SLC16A5: variants seen among roughly 807,000 people sequenced by gnomAD.
The protein encoded by SLC16A5 is solute carrier family 16 member 5.
In SLC16A5, 29 loss-of-function variants were observed where a neutral mutation model predicts 33.2. The observed-to-expected ratio is 0.87, with a 90% CI of 0.65 to 1.19. The LOEUF is 1.19. Among genes scored for constraint, SLC16A5 ranks in the 50% most tolerant of loss-of-function variants. SLC16A5 has a pLI of 0.00. For synonymous variants in SLC16A5, 248 were observed against 284.1 expected, an observed-to-expected ratio of 0.87 and a Z score of 1.28; for missense variants, 606 against 678.2, an observed-to-expected ratio of 0.89 and a Z score of 1.18.
chr17:75,092,960 G>A (rs2073662327), intron 2 of SLC16A5, among the ~76,000 whole-genome samples: 1 of 151,958 alleles, frequency 6.6e-6, no homozygotes, highest in Non-Finnish European at 1.5e-5. Flanking sequence ...GGAAAGGCCT[G>A]GGGGTGTGGG....
chr17:75,103,319 C>T (rs1174221530), intron 5 of SLC16A5, among the ~76,000 whole-genome samples: 1 of 141,886 alleles, frequency 7.0e-6, no homozygotes. Context: ...CCACTGTGCC[C>T]ATCCAAGGGA....
Position 75,093,582 on chromosome 17 carries a change from T to G in SLC16A5, c.-48-7T>G, listed in dbSNP as rs60598753. 1.3e-6 allele frequency: 2 copies of G among 1,503,406 alleles called. No homozygotes were observed. The highest frequency in any genetic ancestry group is 1.9e-5 in the Admixed American group (1 of 53,442). 93.1% of individuals were successfully genotyped at this position (1,503,406 alleles called of 1,614,324 possible). A position where few individuals can be genotyped will look rare whatever the true frequency, so the allele number is the denominator to read the frequency against. On this transcript the variant is annotated splice_region_variant and splice_polypyrimidine_tract_variant and intron_variant, in intron 2 of 6. Transcript: ENST00000329783. ...GACCACCAGGCTCCATTCTGTCCCCTCCCCAGGCAGCAGCCACATTGGCAG... is the reference window on the plus strand; with the variant it reads ...GACCACCAGGCTCCATTCTGTCCCCGCCCCAGGCAGCAGCCACATTGGCAG...
chr17:75,110,004 T>A (rs1292721704), downstream of SLC16A5: 1 of 371,512 alleles, frequency 2.7e-6, no homozygotes, highest in African/African-American at 2.1e-5. Flanking sequence ...GGTGCGCCAG[T>A]GCCCCCTCCG....
At chr17:75,105,340 T>G in intron 6 of SLC16A5, 2 of 985,374 alleles carry the variant, frequency 2.0e-6, no homozygotes, top group Non-Finnish European at 2.4e-6. Flanking sequence ...AAGCCAGACA[T>G]TTGACTGACG....
chr17:75,095,860 C>T (rs905324766), intron 3 of SLC16A5, among the ~76,000 whole-genome samples: 7 of 151,734 alleles, frequency 4.6e-5, no homozygotes, highest in Non-Finnish European at 8.8e-5. Context: ...GGGGTTTCAC[C>T]GTGTTAGCCA....
intron 3 of SLC16A5, among the ~76,000 whole-genome samples, chr17:75,096,595 GTCTCGGCTCACT>G (rs2073721691): frequency 6.7e-6 from 1 of 148,648 alleles, no homozygotes; most frequent in Non-Finnish European, 1.5e-5. Flanking sequence ...TAGTGGCACA[GTCTCGGCTCACT>G]GCAACCTCCA....
chr17:75,098,943 C>T (rs749974181), intron 4 of SLC16A5, among the ~76,000 whole-genome samples: 2 of 152,026 alleles, frequency 1.3e-5, no homozygotes, highest in Non-Finnish European at 2.9e-5. Flanking sequence ...AGGAAGACAC[C>T]GGTAGTCACC....
intron 4 of SLC16A5, among the ~76,000 whole-genome samples, chr17:75,098,407 A>T (rs2073748538): frequency 6.6e-6 from 1 of 152,070 alleles, no homozygotes; most frequent in South Asian, 2.1e-4. Flanking sequence ...TACTAAAAAA[A>T]ATACAAAAAT....
chr17:75,091,785 G>C (rs570120145), intron 2 of SLC16A5, among the ~76,000 whole-genome samples: 21 of 152,368 alleles, frequency 1.4e-4, no homozygotes, highest in Non-Finnish European at 2.9e-4. Context: ...TGAGGTGGAG[G>C]CTGCTCCCTC....
rs528470765 is a variant in SLC16A5 at position 75,096,902 on chromosome 17, A to G, written c.200-1136A>G. ...CACTCTGTCGCCCAGGATGGAGCGC[A>G]TCGGGTTCTGCCTCCCAGGTTCAAG... On this transcript the variant is annotated intron_variant, in intron 3 of 6. Coordinates refer to ENST00000329783, the MANE Select transcript of SLC16A5 (RefSeq NM_004695.4). 3.6e-4 allele frequency among the ~76,000 whole-genome samples: 43 copies of G among 120,070 alleles called. 1 individual carries two copies. The highest frequency in any genetic ancestry group is 1.3e-3 in the African/African-American group (40 of 30,014). The allele number at this position is 120,070 out of a possible 152,430, so 78.8% of individuals were successfully genotyped here. A position where few individuals can be genotyped will look rare whatever the true frequency, so the allele number is the denominator to read the frequency against.
chr17:75,087,626 C>A (rs979208517), upstream of SLC16A5: 1 of 152,286 alleles, frequency 6.6e-6, no homozygotes, highest in African/African-American at 2.4e-5. Context: ...CAACCTCGGG[C>A]TCTGCGCCTT....
At chr17:75,091,942 CAGCTTCTGTGATG>C (rs1005586573) in intron 2 of SLC16A5, among the ~76,000 whole-genome samples, 6 of 152,026 alleles carry the variant, frequency 3.9e-5, no homozygotes, top group African/African-American at 1.5e-4. Flanking sequence ...CTGGTTATGG[CAGCTTCTGTGATG>C]AGGGGAGTGG....
chr17:75,097,768 G>A (rs1328179597), intron 3 of SLC16A5, among the ~76,000 whole-genome samples: 1 of 152,184 alleles, frequency 6.6e-6, no homozygotes, highest in Non-Finnish European at 1.5e-5. Context: ...TCAGGGTCTT[G>A]CTCCACCTTT....
Position 75,100,005 on chromosome 17 carries a change from A to G in SLC16A5, c.344-2A>G, listed in dbSNP as rs1341786011. ...AGGCTGGTTTCCCCTCTTGCCCCGCAGGCCTGGGCATGTGCTTCAGCTTCC... is the reference window on the plus strand; with the variant it reads ...AGGCTGGTTTCCCCTCTTGCCCCGCGGGCCTGGGCATGTGCTTCAGCTTCC... On this transcript the variant is annotated splice_acceptor_variant, in intron 4 of 6. Coordinates refer to ENST00000329783, the MANE Select transcript of SLC16A5 (RefSeq NM_004695.4). LOFTEE classifies it high-confidence loss of function. 6 of 1,606,602 alleles carry G rather than the reference A, an allele frequency of 3.7e-6. No homozygotes were observed. Among genetic ancestry groups the G allele is most frequent in the East Asian group, 2.2e-5 (1 of 44,804 alleles).
intron 2 of SLC16A5, among the ~76,000 whole-genome samples, chr17:75,092,181 GTGTC>G (rs1267916516): frequency 6.6e-6 from 1 of 152,068 alleles, no homozygotes; most frequent in African/African-American, 2.4e-5. Context: ...AACTGTGTGT[GTGTC>G]TGCTAGTGTG....
At position 75,100,628 on chromosome 17, in the gene SLC16A5, G is replaced by C. The variant is rs375463804; in HGVS notation, c.965G>C (p.Cys322Ser). ...CTCAATGGGCTCACTAACCTGGTGT[G>C]TGCGGCATCAGGTGACTTCTGGGTG... is the stretch of plus-strand genomic sequence containing the variant. ...LLLNGLTNLV[C>S]AASGDFWVLV... The change falls in exon 5 of 7, where the codon TGT becomes TCT. Residue 322 changes from cysteine to serine, a missense_variant. Physicochemically the swap from Cys to Ser is moderately radical, Grantham distance 112. Coordinates refer to ENST00000329783, the MANE Select transcript of SLC16A5 (RefSeq NM_004695.4). The C allele has an allele frequency of 6.2e-7, 1 of 1,614,220 alleles. No homozygotes were observed. Among genetic ancestry groups the C allele is most frequent in the Non-Finnish European group, 8.5e-7 (1 of 1,180,042 alleles).
At chr17:75,108,167 A>G (rs2145098104), downstream of SLC16A5, among the ~76,000 whole-genome samples, 1 of 152,258 alleles carries the variant, frequency 6.6e-6, no homozygotes, top group East Asian at 1.9e-4. Flanking sequence ...AGCAATCCCC[A>G]TCTAGCTGAT....
At position 75,093,626 on chromosome 17, in the gene SLC16A5, G is replaced by A. The variant is rs1338856234; in HGVS notation, c.-11G>A. 5.0e-6 allele frequency: 8 copies of A among 1,605,008 alleles called. No individual in the cohort carries two copies. The highest frequency in any genetic ancestry group is 2.2e-5 in the East Asian group (1 of 44,798). On this transcript the variant is annotated 5_prime_UTR_variant, in exon 3 of 7. Coordinates refer to ENST00000329783, the MANE Select transcript of SLC16A5 (RefSeq NM_004695.4). ...TTGGCAGTGAGGCCGTGGCAGCGTC[G>A]GCAGCAGAGGATGCCCCAGGCCCTG...
intron 5 of SLC16A5, among the ~76,000 whole-genome samples, chr17:75,102,965 A>G (rs959813698): frequency 2.3e-4 from 35 of 151,902 alleles, no homozygotes; most frequent in African/African-American, 7.3e-4. Context: ...ATCTCAGCTC[A>G]CTGCAACCTC....
Sources: gnomAD v4.1 joint callset for allele counts (sites outside exome capture counted in the v4.1 genomes callset) on GRCh38, gnomAD v4.1.1 for gene constraint, MANE v1.5 for transcripts, NCBI Gene and HGNC (gene_info 2026-07-23, HGNC 2026-07-21) for gene names.